VAV3: variants seen among roughly 807,000 people sequenced by gnomAD.
The protein encoded by VAV3 is vav guanine nucleotide exchange factor 3, also known as guanine nucleotide exchange factor VAV3.
Under a neutral mutation model 131.2 loss-of-function variants are expected in VAV3, and 94 were observed. The ratio of observed to expected loss-of-function variants is 0.72; its 90% CI spans 0.61 to 0.85. The LOEUF (loss-of-function observed/expected upper bound fraction) is 0.85. Ranked by LOEUF, VAV3 falls within the 40% of genes least tolerant of loss-of-function variation. The pLI is 0.00. For synonymous variants in VAV3, 349 were observed against 342.0 expected, an observed-to-expected ratio of 1.02 and a Z score of -0.22; for missense variants, 939 against 1,002.7, an observed-to-expected ratio of 0.94 and a Z score of 0.86.
intron 1 of VAV3, among the ~76,000 whole-genome samples, chr1:107,895,154 G>A (rs1196284318): frequency 6.6e-6 from 1 of 152,086 alleles, no homozygotes; most frequent in East Asian, 1.9e-4. Flanking sequence ...AGCAGGAGCA[G>A]GAACACAGGG....
intron 1 of VAV3, among the ~76,000 whole-genome samples, chr1:107,884,220 A>G (rs1348692457): frequency 1.3e-5 from 2 of 151,774 alleles, no homozygotes; most frequent in Non-Finnish European, 1.5e-5. Flanking sequence ...ATTTAACTGT[A>G]CATATTAAAA....
intron 10 of VAV3, among the ~76,000 whole-genome samples, chr1:107,759,991 T>A (rs920532273): frequency 6.6e-6 from 1 of 152,168 alleles, no homozygotes; most frequent in African/African-American, 2.4e-5. Flanking sequence ...TAAGGAATAA[T>A]CAGGGTTTGA....
intron 2 of VAV3, among the ~76,000 whole-genome samples, chr1:107,811,947 A>G (rs915450516): frequency 1.3e-5 from 2 of 152,198 alleles, no homozygotes; most frequent in African/African-American, 4.8e-5. Flanking sequence ...ACAGGCAGCC[A>G]TACGCTCACA....
intron 1 of VAV3, among the ~76,000 whole-genome samples, chr1:107,905,397 T>C (rs990638265): frequency 7.2e-5 from 11 of 152,234 alleles, no homozygotes; most frequent in African/African-American, 2.7e-4. Flanking sequence ...TAGCTATGTG[T>C]CTTCCTTGTA....
chr1:107,738,147 T>C (rs533630713), intron 15 of VAV3, among the ~76,000 whole-genome samples: 4 of 152,192 alleles, frequency 2.6e-5, no homozygotes, highest in African/African-American at 9.6e-5. Context: ...TAGGTGGGAA[T>C]TGAACAATGA....
chr1:107,806,398 C>T (rs1011487170), intron 2 of VAV3, among the ~76,000 whole-genome samples: 1 of 150,848 alleles, frequency 6.6e-6, no homozygotes, highest in Non-Finnish European at 1.5e-5. Flanking sequence ...CTCACTCATC[C>T]TCATACTGAG....
intron 20 of VAV3, among the ~76,000 whole-genome samples, chr1:107,624,993 G>A (rs1366802581): frequency 6.6e-6 from 1 of 152,046 alleles, no homozygotes; most frequent in African/African-American, 2.4e-5. Flanking sequence ...ATAGGATTAG[G>A]GAGTTGGGAG....
At chr1:107,825,679 C>T (rs1320536668) in intron 2 of VAV3, among the ~76,000 whole-genome samples, 1 of 152,178 alleles carries the variant, frequency 6.6e-6, no homozygotes, top group East Asian at 1.9e-4. Flanking sequence ...ATAAAATCCT[C>T]TGCTTTCCAT....
At chr1:107,955,067 G>T (rs1674741917) in intron 1 of VAV3, among the ~76,000 whole-genome samples, 1 of 152,166 alleles carries the variant, frequency 6.6e-6, no homozygotes, top group Admixed American at 6.5e-5. Flanking sequence ...GTAAAAAATA[G>T]TTAACATCTA....
intron 2 of VAV3, among the ~76,000 whole-genome samples, chr1:107,828,539 G>A (rs1295252529): frequency 6.6e-6 from 1 of 152,082 alleles, no homozygotes. Flanking sequence ...TGGCAGGGTA[G>A]TATCCCTTTC....
chr1:107,587,022 A>G (rs559091519), intron 25 of VAV3, among the ~76,000 whole-genome samples: 1 of 152,144 alleles, frequency 6.6e-6, no homozygotes, highest in African/African-American at 2.4e-5. Flanking sequence ...AACGTTTAAA[A>G]AAACTTGTAT....
intron 2 of VAV3, among the ~76,000 whole-genome samples, chr1:107,798,966 CTGTGGAACCAGCCTTT>C (rs1264555664): frequency 3.9e-5 from 6 of 151,924 alleles, no homozygotes; most frequent in South Asian, 4.1e-4. Flanking sequence ...CTTTATTCCT[CTGTGGAACCAGCCTTT>C]TGTTCAAACA....
chr1:107,915,934 C>T (rs1672596275), intron 1 of VAV3, among the ~76,000 whole-genome samples: 2 of 151,836 alleles, frequency 1.3e-5, no homozygotes, highest in Non-Finnish European at 2.9e-5. Flanking sequence ...AATAACAACA[C>T]TGGAAAGCAT....
At chr1:107,656,607 C>T (rs1656576730) in intron 19 of VAV3, among the ~76,000 whole-genome samples, 1 of 152,076 alleles carries the variant, frequency 6.6e-6, no homozygotes, top group African/African-American at 2.4e-5. Context: ...AAGCACAATT[C>T]AAATGTTCCA....
intron 17 of VAV3, among the ~76,000 whole-genome samples, chr1:107,702,815 G>T (rs1239945680): frequency 1.3e-5 from 2 of 149,704 alleles, no homozygotes; most frequent in Non-Finnish European, 3.0e-5. Context: ...AAAAAAACCT[G>T]ATTTTTCACT....
chr1:107,678,103 C>A (rs576073770), intron 19 of VAV3: 1 of 152,152 alleles, frequency 6.6e-6, no homozygotes, highest in African/African-American at 2.4e-5. Context: ...TCCATGGTTT[C>A]ATAGAAGCTT....
chr1:107,939,510 C>A (rs1353380458), intron 1 of VAV3, among the ~76,000 whole-genome samples: 1 of 152,176 alleles, frequency 6.6e-6, no homozygotes, highest in South Asian at 2.1e-4. Context: ...GGGTAAACAA[C>A]CAATACTCTA....
chr1:107,789,227 C>T (rs1022183060), intron 2 of VAV3, among the ~76,000 whole-genome samples: 5 of 152,192 alleles, frequency 3.3e-5, no homozygotes, highest in African/African-American at 1.2e-4. Flanking sequence ...AACACATTTT[C>T]CAAACTCAGC....
intron 25 of VAV3, among the ~76,000 whole-genome samples, chr1:107,593,980 T>C (rs575853771): frequency 2.1e-4 from 32 of 152,220 alleles, no homozygotes; most frequent in African/African-American, 7.7e-4. Flanking sequence ...ACACCTCATT[T>C]AGTCCTCAGA....
Sources: gnomAD v4.1 joint callset for allele counts (sites outside exome capture counted in the v4.1 genomes callset) on GRCh38, gnomAD v4.1.1 for gene constraint, MANE v1.5 for transcripts, NCBI Gene and HGNC (gene_info 2026-07-23, HGNC 2026-07-21) for gene names.